Variants in ZNF385B observed in about 807,000 individuals in gnomAD.
ZNF385B encodes zinc finger protein 385B.
Under a neutral mutation model 39.2 loss-of-function variants are expected in ZNF385B, and 23 were observed. That is an observed-to-expected ratio of 0.59 (90% CI 0.42 to 0.83). The LOEUF is 0.83. Among genes scored for constraint, ZNF385B ranks in the 40% least tolerant of loss-of-function variants. The probability of loss-of-function intolerance (pLI) is 0.00; values close to 1 mark genes in which losing one functional copy is unlikely to be tolerated. For synonymous variants in ZNF385B, 205 were observed against 222.6 expected, an observed-to-expected ratio of 0.92 and a Z score of 0.70; for missense variants, 552 against 598.9, an observed-to-expected ratio of 0.92 and a Z score of 0.82.
chr2:179,518,854 T>G (rs1437566869), intron 4 of ZNF385B, among the ~76,000 whole-genome samples: 1 of 152,054 alleles, frequency 6.6e-6, no homozygotes, highest in African/African-American at 2.4e-5. Context: ...TTTGAAAACA[T>G]AACTCAGAAA....
At chr2:179,846,373 A>G (rs969401890) in intron 1 of ZNF385B, among the ~76,000 whole-genome samples, 5 of 152,360 alleles carry the variant, frequency 3.3e-5, no homozygotes, top group African/African-American at 9.6e-5. Context: ...ATATTTTCAA[A>G]TGGAAATTTG....
intron 5 of ZNF385B, among the ~76,000 whole-genome samples, chr2:179,493,651 A>ACATATATGTATACACATATGCGTG (rs2055625519): frequency 8.8e-6 from 1 of 113,078 alleles, no homozygotes; most frequent in Non-Finnish European, 1.8e-5. Context: ...ACATATGCGT[A>ACATATATGTATACACATATGCGTG]TACATATATG....
intron 3 of ZNF385B, among the ~76,000 whole-genome samples, chr2:179,604,217 A>G (rs1688623480): frequency 6.6e-6 from 1 of 152,160 alleles, no homozygotes; most frequent in Non-Finnish European, 1.5e-5. Flanking sequence ...GGAGAAATCA[A>G]AGCAAGGTTG....
chr2:179,654,886 C>CA (rs1693578542), intron 3 of ZNF385B, among the ~76,000 whole-genome samples: 1 of 152,168 alleles, frequency 6.6e-6, no homozygotes, highest in African/African-American at 2.4e-5. Context: ...ACCCAACTTG[C>CA]AGCCTAATGG....
chr2:179,823,214 C>A (rs1159786784), intron 1 of ZNF385B, among the ~76,000 whole-genome samples: 1 of 152,120 alleles, frequency 6.6e-6, no homozygotes, highest in African/African-American at 2.4e-5. Flanking sequence ...CCCCCCATAT[C>A]AAATTCTTCA....
intron 1 of ZNF385B, among the ~76,000 whole-genome samples, chr2:179,798,019 G>T (rs1014323061): frequency 4.6e-5 from 7 of 151,954 alleles, no homozygotes; most frequent in Admixed American, 3.9e-4. Context: ...TTTTCCCTGT[G>T]TTTATTTCAA....
At chr2:179,486,315 T>C (rs549538608) in intron 5 of ZNF385B, among the ~76,000 whole-genome samples, 1 of 152,240 alleles carries the variant, frequency 6.6e-6, no homozygotes, top group East Asian at 1.9e-4. Context: ...AAACTGGGAA[T>C]AGAGAAGTTA....
At chr2:179,812,113 C>T (rs1018953280) in intron 1 of ZNF385B, among the ~76,000 whole-genome samples, 14 of 152,028 alleles carry the variant, frequency 9.2e-5, no homozygotes, top group African/African-American at 2.4e-4. Context: ...CCAATCAGAA[C>T]GGCTATTATT....
intron 3 of ZNF385B, among the ~76,000 whole-genome samples, chr2:179,716,811 C>T (rs1267010492): frequency 6.6e-6 from 1 of 152,152 alleles, no homozygotes; most frequent in African/African-American, 2.4e-5. Flanking sequence ...CTCCTAAGGC[C>T]ACCATGCAGT....
chr2:179,753,917 T>C (rs895452350), intron 3 of ZNF385B, among the ~76,000 whole-genome samples: 1 of 152,248 alleles, frequency 6.6e-6, no homozygotes, highest in African/African-American at 2.4e-5. Context: ...AATTGAATAC[T>C]CTTTATTTCT....
At chr2:179,782,023 A>T (rs1704695795) in intron 1 of ZNF385B, among the ~76,000 whole-genome samples, 1 of 152,162 alleles carries the variant, frequency 6.6e-6, no homozygotes, top group South Asian at 2.1e-4. Context: ...GCACAGGCAC[A>T]TACACAGAAA....
chr2:179,750,280 T>C (rs549313233), intron 3 of ZNF385B, among the ~76,000 whole-genome samples: 16 of 152,240 alleles, frequency 1.1e-4, no homozygotes, highest in African/African-American at 3.6e-4. Context: ...CCCAAGGAAC[T>C]TCAATCTCAA....
chr2:179,522,789 G>A (rs2058597304), intron 4 of ZNF385B: 2 of 293,676 alleles, frequency 6.8e-6, no homozygotes. Context: ...TATGGATTGA[G>A]AAAAGTATAA....
chr2:179,500,842 T>A (rs1351205057), intron 5 of ZNF385B, among the ~76,000 whole-genome samples: 1 of 152,102 alleles, frequency 6.6e-6, no homozygotes, highest in East Asian at 1.9e-4. Flanking sequence ...AAACTACCTA[T>A]CTGACAAGGG....
At chr2:179,607,621 TG>T (rs1481265539) in intron 3 of ZNF385B, among the ~76,000 whole-genome samples, 1 of 152,122 alleles carries the variant, frequency 6.6e-6, no homozygotes, top group Non-Finnish European at 1.5e-5. Context: ...GAGCTAATAA[TG>T]GTTATGCGGA....
chr2:179,696,326 C>CTGTTTTTTTTTTTTTTTTTTTT (rs1698742555), intron 3 of ZNF385B, among the ~76,000 whole-genome samples: 1 of 40,354 alleles, frequency 2.5e-5, no homozygotes, highest in East Asian at 7.9e-4. Flanking sequence ...CAAACTGGGA[C>CTGTTTTTTTTTTTTTTTTTTTT]TTTTTTTTTT....
intron 3 of ZNF385B, among the ~76,000 whole-genome samples, chr2:179,609,092 C>T (rs903258907): frequency 1.3e-5 from 2 of 151,894 alleles, no homozygotes; most frequent in African/African-American, 4.8e-5. Context: ...TTATTATACT[C>T]TTTATAAGAG....
At chr2:179,570,208 C>A (rs963006936) in intron 3 of ZNF385B, among the ~76,000 whole-genome samples, 1 of 152,170 alleles carries the variant, frequency 6.6e-6, no homozygotes, top group East Asian at 1.9e-4. Flanking sequence ...CCAACACCAA[C>A]GTACCACTCC....
At chr2:179,576,062 C>T in intron 3 of ZNF385B, 1 of 856,498 alleles carries the variant, frequency 1.2e-6, no homozygotes, top group Non-Finnish European at 1.4e-6. Flanking sequence ...TGGCACAACA[C>T]TTGCCCCGTA....
Sources: allele counts gnomAD v4.1 joint callset (sites outside exome capture counted in the v4.1 genomes callset), GRCh38; gene constraint gnomAD v4.1.1; transcripts MANE v1.5; gene names NCBI Gene and HGNC (gene_info 2026-07-23, HGNC 2026-07-21).